Variants in MRPL10 observed in about 807,000 individuals in gnomAD.
MRPL10 encodes mitochondrial ribosomal protein L10.
Under a neutral mutation model 19.8 loss-of-function variants are expected in MRPL10, and 14 were observed. The ratio of observed to expected loss-of-function variants is 0.71; its 90% CI spans 0.47 to 1.11. The LOEUF (loss-of-function observed/expected upper bound fraction) is 1.11, where lower values mean the gene tolerates loss of function less well. Among genes scored for constraint, MRPL10 ranks in the 50% least tolerant of loss-of-function variants. MRPL10 has a pLI of 0.00. For synonymous variants in MRPL10, 129 were observed against 139.2 expected (o/e 0.93, Z 0.52); for missense variants, 318 against 339.6 (o/e 0.94, Z 0.50).
rs754679498 is a variant in MRPL10 at position 47,827,136 on chromosome 17, G to A, written c.291C>T (p.Ala97=). Reference sequence around the variant, plus strand: ...CACTCAGAGCCACATTCTGGCAGACGGCTATCATTCGGTTGTCCTGGAAAA... The same window carrying A: ...CACTCAGAGCCACATTCTGGCAGACAGCTATCATTCGGTTGTCCTGGAAAA... The part of the protein sequence containing the change: ...AAVFQDNRMI[A]VCQNVALSAE... Residue 97 remains alanine (A), a synonymous_variant, in exon 3 of 5, where the codon GCC becomes GCT. Transcript: ENST00000351111. 15 of 1,614,114 alleles carry A rather than the reference G, an allele frequency of 9.3e-6. No individual in the cohort carries two copies. The Middle Eastern group carries it at 4.9e-4, about 53-fold the overall frequency.
intron 1 of MRPL10, 98 bp downstream of exon 1, chr17:47,831,362 G>C: frequency 4.5e-6 from 7 of 1,541,286 alleles, no homozygotes; most frequent in Non-Finnish European, 6.1e-6. Flanking sequence ...GATCTAGCTG[G>C]GGTCAGAGAT....
chr17:47,824,099 T>C lies in MRPL10; in HGVS notation c.*106A>G, dbSNP rs2033487502. 1 of 1,464,614 alleles carries C rather than the reference T, an allele frequency of 6.8e-7. No homozygotes were observed. 90.7% of individuals were successfully genotyped at this position (1,464,614 alleles called of 1,614,324 possible). On this transcript the variant is annotated 3_prime_UTR_variant, in exon 5 of 5. Coordinates refer to ENST00000351111, the MANE Select transcript of MRPL10 (RefSeq NM_145255.4). ...AATATCATTACTAGTGAAAACCAAG[T>C]GACAAACACACTCCCCGACCCCAAG...
intron 2 of MRPL10, 119 bp downstream of exon 2, chr17:47,828,382 A>C: frequency 1.5e-6 from 1 of 689,634 alleles, no homozygotes; most frequent in Non-Finnish European, 2.2e-6. Flanking sequence ...CAGGCAGTCA[A>C]ACTGAAATAA....
At position 47,823,798 on chromosome 17, in the gene MRPL10, C is replaced by CA. The variant is rs1157838648; in HGVS notation, c.*406dup. 3.4e-6 allele frequency: 1 copy of CA among 291,018 alleles called. No homozygotes were observed. Among genetic ancestry groups the CA allele is most frequent in the African/African-American group, 2.3e-5 (1 of 44,236 alleles). The allele number at this position is 291,018 out of a possible 1,614,324, so 18.0% of individuals were successfully genotyped here. A position where few individuals can be genotyped will look rare whatever the true frequency, so the allele number is the denominator to read the frequency against. On this transcript the variant is annotated 3_prime_UTR_variant, in exon 5 of 5. Transcript: ENST00000351111. ...CAAAGCCTGGCACACAGCAGGCTCT[C>CA]ACCAGGTGCCATTCTCAGCACAACT...
At position 47,831,458 on chromosome 17, in the gene MRPL10, AC is replaced by A. The variant is rs1197456113; in HGVS notation, c.52+1del. ...GCCGTGAGGACCTGGGCCACTCCTT[AC>A]CCGCCTGGGGCAGGAGACCCCCTCG... On this transcript the variant is annotated splice_donor_variant, in intron 1 of 4. Coordinates refer to ENST00000351111, the MANE Select transcript of MRPL10 (RefSeq NM_145255.4). LOFTEE classifies it high-confidence loss of function. 2 of 1,547,370 alleles carry A rather than the reference AC, an allele frequency of 1.3e-6. No individual in the cohort carries two copies. Among genetic ancestry groups the A allele is most frequent in the Non-Finnish European group, 1.7e-6 (2 of 1,146,694 alleles).
At chr17:47,826,810 C>T (rs201651042) in intron 3 of MRPL10, 29 bp from the exon 4 acceptor site, 40 of 1,613,616 alleles carry the variant, frequency 2.5e-5, no homozygotes, top group Admixed American at 1.0e-4. Context: ...AATGGCTTAT[C>T]GGGGACAAGT....
In MRPL10 at chr17:47,824,295, C is replaced by A; in HGVS notation, c.696G>T (p.Leu232=). 1 of 1,614,114 alleles carries A rather than the reference C, an allele frequency of 6.2e-7. No individual in the cohort carries two copies. The highest frequency in any genetic ancestry group is 8.5e-7 in the Non-Finnish European group (1 of 1,179,994). ...LQHQPLQLTT[L]LDQYIREQRE... ...GTTGCTCTCTGATGTACTGGTCCAA[C>A]AGGGTGGTCAGCTGGAGGGGCTGGT... The change falls in exon 5 of 5, where the codon CTG becomes CTT. Residue 232 remains leucine (L), a synonymous_variant. Coordinates refer to ENST00000351111, the MANE Select transcript of MRPL10 (RefSeq NM_145255.4).
intron 4 of MRPL10, 92 bp downstream of exon 4, chr17:47,826,545 C>T (rs1309551777): frequency 1.3e-6 from 2 of 1,511,506 alleles, no homozygotes; most frequent in South Asian, 1.2e-5. Flanking sequence ...ATGCTCTCTC[C>T]AAGAACGTTC....
In MRPL10 at chr17:47,827,054, C is replaced by A; in HGVS notation, c.373G>T (p.Val125Phe). ...QLRKHKILMKVFPNQVLKPFL... is the reference protein window; with the variant it reads ...QLRKHKILMKFFPNQVLKPFL... ...CTGCTCCCTACCTGGTTGGGGAAGA[C>A]CTTCATCAGGATCTTGTGTTTCCGC... Residue 125 changes from valine to phenylalanine, a missense_variant, in exon 3 of 5, where the codon GTC (valine) becomes TTC (phenylalanine). By Grantham distance (50) the Val-to-Phe change is conservative (BLOSUM62 -1). Transcript: ENST00000351111. 6.2e-7 allele frequency: 1 copy of A among 1,611,674 alleles called. No individual in the cohort carries two copies. Among genetic ancestry groups the A allele is most frequent in the Non-Finnish European group, 8.5e-7 (1 of 1,178,690 alleles).
chr17:47,827,902 A>AAAAT (rs2033560284), intron 2 of MRPL10, among the ~76,000 whole-genome samples: 1 of 145,284 alleles, frequency 6.9e-6, no homozygotes, highest in East Asian at 2.0e-4. Flanking sequence ...CACAAAAAAA[A>AAAAT]AAAAAAAAAA....
chr17:47,828,332 T>C (rs1006393651), intron 2 of MRPL10, 169 bp downstream of exon 2: 9 of 488,650 alleles, frequency 1.8e-5, no homozygotes, highest in African/African-American at 1.6e-4. Context: ...CAAAAGCCAA[T>C]ACAGAATCAA....
At chr17:47,826,146 C>CAAAAAAAAAAAAAAAAAAAAAAAAAAAAA (rs67519028) in intron 4 of MRPL10, among the ~76,000 whole-genome samples, 1 of 74,202 alleles carries the variant, frequency 1.3e-5, no homozygotes, top group Non-Finnish European at 2.5e-5. Context: ...GACTCCATCT[C>CAAAAAAAAAAAAAAAAAAAAAAAAAAAAA]AAAAAAAAAA....
rs1330735458 is a variant in MRPL10, at chr17:47,823,528, A to G, written c.*677T>C. 1 of 137,686 alleles carries G rather than the reference A, an allele frequency of 7.3e-6. No individual in the cohort carries two copies. The highest frequency in any genetic ancestry group is 2.5e-5 in the African/African-American group (1 of 40,618). The allele number at this position is 137,686 out of a possible 1,614,324, so 8.5% of individuals were successfully genotyped here. ...TTCACAGCGTACACCTCGAGGGTGG[A>G]GAACTAACATCCAAGCACACCTGGA... On this transcript the variant is annotated 3_prime_UTR_variant, in exon 5 of 5. Transcript: ENST00000351111.
chr17:47,824,473 G>C lies in MRPL10; in HGVS notation c.533-15C>G. The C allele has an allele frequency of 6.6e-7, 1 of 1,520,492 alleles. No homozygotes were observed. The allele number at this position is 1,520,492 out of a possible 1,614,324, so 94.2% of individuals were successfully genotyped here. On this transcript the variant is annotated splice_polypyrimidine_tract_variant and intron_variant, in intron 4 of 4. Coordinates refer to ENST00000351111, the MANE Select transcript of MRPL10 (RefSeq NM_145255.4). Reference sequence around the variant, plus strand: ...AATGCAGCCACCTGGAAGAACACAGGGTCAGTTAGGCTCCTTGCAGATTGC... The same window carrying C: ...AATGCAGCCACCTGGAAGAACACAGCGTCAGTTAGGCTCCTTGCAGATTGC...
intron 2 of MRPL10, among the ~76,000 whole-genome samples, chr17:47,827,619 G>A (rs950439424): frequency 3.9e-5 from 6 of 152,106 alleles, no homozygotes; most frequent in Non-Finnish European, 8.8e-5. Flanking sequence ...AAACTTGGCT[G>A]GGCGCGGTGG....
chr17:47,830,062 G>A (rs1451656522), intron 1 of MRPL10, among the ~76,000 whole-genome samples: 1 of 152,204 alleles, frequency 6.6e-6, no homozygotes, highest in Non-Finnish European at 1.5e-5. Flanking sequence ...GTCACAAATA[G>A]TGTTCTAACA....
chr17:47,831,057 C>G (rs1186646180), intron 1 of MRPL10, among the ~76,000 whole-genome samples: 1 of 152,240 alleles, frequency 6.6e-6, no homozygotes, highest in Non-Finnish European at 1.5e-5. Context: ...TACTAACATC[C>G]AGCACCATGC....
chr17:47,831,203 G>T, intron 1 of MRPL10: 1 of 911,556 alleles, frequency 1.1e-6, no homozygotes, highest in Non-Finnish European at 1.6e-6. Flanking sequence ...GTGACATTTA[G>T]ACTGACACAT....
Position 47,828,285 on chromosome 17 carries a change from A to G in MRPL10, c.222+216T>C, listed in dbSNP as rs886152951. 1.0e-5 allele frequency: 4 copies of G among 396,670 alleles called. No homozygotes were observed. In the Admixed American group the frequency reaches 1.8e-4, roughly 18 times the overall value. The allele number at this position is 396,670 out of a possible 1,614,324, so 24.6% of individuals were successfully genotyped here. A position where few individuals can be genotyped will look rare whatever the true frequency, so the allele number is the denominator to read the frequency against. On this transcript the variant is annotated intron_variant, in intron 2 of 4. Transcript: ENST00000351111. ...CTCTCACACACACATTTTTGGAGAC[A>G]AGAAGGAAATTCAGGAGGCCCACCC...
Sources: allele counts gnomAD v4.1 joint callset (sites outside exome capture counted in the v4.1 genomes callset), GRCh38; gene constraint gnomAD v4.1.1; transcripts MANE v1.5; gene names NCBI Gene and HGNC (gene_info 2026-07-23, HGNC 2026-07-21).